PDE4B: variants seen among roughly 807,000 people sequenced by gnomAD.
The protein encoded by PDE4B is 3',5'-cyclic-AMP phosphodiesterase 4B.
PDE4B carries 20 observed loss-of-function variants against 82.2 expected under a neutral mutation model. The observed-to-expected ratio is 0.24, with a 90% confidence interval of 0.17 to 0.35. The LOEUF (loss-of-function observed/expected upper bound fraction) is 0.35, where lower values mean the gene tolerates loss of function less well. Ranked by LOEUF, PDE4B falls within the 10% of genes least tolerant of loss-of-function variation. PDE4B has a pLI of 1.00. For synonymous variants in PDE4B, 320 were observed against 318.9 expected, an observed-to-expected ratio of 1.00 and a Z score of -0.04; for missense variants, 655 against 907.2, an observed-to-expected ratio of 0.72 and a Z score of 3.57.
intron 3 of PDE4B, among the ~76,000 whole-genome samples, chr1:66,226,047 G>A (rs941177259): frequency 1.3e-5 from 2 of 152,226 alleles, no homozygotes; most frequent in Admixed American, 1.3e-4. Context: ...TGGTGTGAGG[G>A]TCAGGAAGTG....
intron 3 of PDE4B, among the ~76,000 whole-genome samples, chr1:66,052,891 A>G (rs1437902506): frequency 6.6e-6 from 1 of 151,688 alleles, no homozygotes; most frequent in African/African-American, 2.4e-5. Flanking sequence ...TTCATTTTAC[A>G]TTCGAGACTA....
At chr1:65,814,363 A>G (rs963257980) in intron 1 of PDE4B, among the ~76,000 whole-genome samples, 1 of 152,238 alleles carries the variant, frequency 6.6e-6, no homozygotes, top group African/African-American at 2.4e-5. Flanking sequence ...AAGATGAAAT[A>G]CATTGATAAA....
chr1:66,125,909 C>T (rs748599635), intron 3 of PDE4B, among the ~76,000 whole-genome samples: 14 of 152,318 alleles, frequency 9.2e-5, no homozygotes, highest in African/African-American at 2.9e-4. Context: ...CAGGTTCAAG[C>T]GATTCTCCTG....
intron 3 of PDE4B, among the ~76,000 whole-genome samples, chr1:66,089,521 A>T (rs1331481577): frequency 6.6e-6 from 1 of 152,078 alleles, no homozygotes; most frequent in East Asian, 1.9e-4. Flanking sequence ...GGCTGTCTTT[A>T]GATAAAGTTG....
chr1:66,234,327 C>T (rs187710153), intron 3 of PDE4B, among the ~76,000 whole-genome samples: 82 of 152,252 alleles, frequency 5.4e-4, no homozygotes, highest in African/African-American at 1.5e-3. Flanking sequence ...CTTGCTCTGT[C>T]GCCAAGACTG....
chr1:66,346,679 A>G (rs941772658), intron 8 of PDE4B, among the ~76,000 whole-genome samples: 1 of 152,208 alleles, frequency 6.6e-6, no homozygotes, highest in African/African-American at 2.4e-5. Context: ...GTAATTAATT[A>G]TATATGCTGC....
chr1:66,068,852 A>G (rs930246581), intron 3 of PDE4B, among the ~76,000 whole-genome samples: 3 of 152,096 alleles, frequency 2.0e-5, no homozygotes, highest in Middle Eastern at 3.4e-3. Context: ...TCTGTTATTT[A>G]TGGTTTGTAA....
At chr1:66,350,576 T>TA (rs1336696832) in intron 8 of PDE4B, among the ~76,000 whole-genome samples, 4 of 152,176 alleles carry the variant, frequency 2.6e-5, no homozygotes, top group Non-Finnish European at 4.4e-5. Flanking sequence ...ATGGGCTTTA[T>TA]ACTAGCTTCC....
In PDE4B at chr1:66,138,049, A is replaced by G. The variant is rs139739167; in HGVS notation, c.282-109411A>G. On this transcript the variant is annotated intron_variant, in intron 3 of 16. Coordinates refer to ENST00000341517, the MANE Select transcript of PDE4B (RefSeq NM_002600.4). ...AGTCCAGTGATGTTAGCTGACTTAA[A>G]CACAGATATTAAATGACAAAGCTAG... Among the ~76,000 whole-genome samples, 1,048 of 152,336 alleles carry G rather than the reference A, an allele frequency of 6.9e-3. 10 individuals carry two copies. The highest frequency in any genetic ancestry group is 0.024 in the African/African-American group (983 of 41,570).
At chr1:66,057,749 T>C (rs1238428429) in intron 3 of PDE4B, among the ~76,000 whole-genome samples, 1 of 152,156 alleles carries the variant, frequency 6.6e-6, no homozygotes, top group Non-Finnish European at 1.5e-5. Flanking sequence ...GGGAGAGACC[T>C]GCTCCCATGA....
chr1:65,947,755 T>C (rs1254979126), intron 3 of PDE4B, among the ~76,000 whole-genome samples: 1 of 151,806 alleles, frequency 6.6e-6, no homozygotes, highest in Non-Finnish European at 1.5e-5. Flanking sequence ...TACCAGAAGA[T>C]GGAAGAGATG....
chr1:66,370,381 T>C (rs1474859345), intron 16 of PDE4B, among the ~76,000 whole-genome samples: 1 of 152,186 alleles, frequency 6.6e-6, no homozygotes, highest in African/African-American at 2.4e-5. Flanking sequence ...ACATTTTCCA[T>C]ACATTATCTT....
intron 3 of PDE4B, among the ~76,000 whole-genome samples, chr1:66,025,413 A>G (rs1397691697): frequency 6.6e-6 from 1 of 152,194 alleles, no homozygotes; most frequent in Admixed American, 6.5e-5. Flanking sequence ...TACAAGCCTA[A>G]TAACCCAGTT....
chr1:66,189,405 C>G (rs1214568592), intron 3 of PDE4B, among the ~76,000 whole-genome samples: 4 of 152,206 alleles, frequency 2.6e-5, no homozygotes. Flanking sequence ...GGAAGTTCTC[C>G]TGGATAATAT....
intron 3 of PDE4B, among the ~76,000 whole-genome samples, chr1:66,162,202 A>G (rs553115729): frequency 5.3e-5 from 8 of 150,866 alleles, no homozygotes; most frequent in East Asian, 3.9e-4. Flanking sequence ...CTGAGGCTCT[A>G]GGGATGTTCT....
chr1:66,353,264 A>G (rs572040834), intron 8 of PDE4B, among the ~76,000 whole-genome samples: 11 of 152,306 alleles, frequency 7.2e-5, no homozygotes, highest in East Asian at 1.9e-4. Context: ...CATGGGAAAC[A>G]CACACACATA....
At chr1:65,806,225 ATT>A (rs945740304) in intron 1 of PDE4B, among the ~76,000 whole-genome samples, 49 of 152,054 alleles carry the variant, frequency 3.2e-4, no homozygotes, top group African/African-American at 1.2e-3. Context: ...GTGCTAAATT[ATT>A]TCATTTGGTT....
Position 66,163,594 on chromosome 1 carries a change from T to C in PDE4B, c.282-83866T>C, listed in dbSNP as rs189300981. Among the ~76,000 whole-genome samples the C allele has an allele frequency of 1.5e-3, 222 of 151,714 alleles. 1 individual carries two copies. Among genetic ancestry groups the C allele is most frequent in the Admixed American group, 2.4e-3 (36 of 15,296 alleles). Reference sequence around the variant, plus strand: ...AAAGAAATTGCTTAGAAATAAATTTTCAAATGTTTTAGTCCATAAGATATT... The same window carrying C: ...AAAGAAATTGCTTAGAAATAAATTTCCAAATGTTTTAGTCCATAAGATATT... On this transcript the variant is annotated intron_variant, in intron 3 of 16. Coordinates refer to ENST00000341517, the MANE Select transcript of PDE4B (RefSeq NM_002600.4).
chr1:65,990,712 C>A (rs2186119), intron 3 of PDE4B, among the ~76,000 whole-genome samples: 10,950 of 152,054 alleles, frequency 0.072, 942 homozygotes, highest in East Asian at 0.43. Context: ...AATCAAAAAA[C>A]CTGGGTTTTA....
Sources: gnomAD v4.1 joint callset for allele counts (sites outside exome capture counted in the v4.1 genomes callset) on GRCh38, gnomAD v4.1.1 for gene constraint, MANE v1.5 for transcripts, NCBI Gene and HGNC (gene_info 2026-07-23, HGNC 2026-07-21) for gene names.